CAMTA1: variants seen among roughly 807,000 people sequenced by gnomAD.
CAMTA1 encodes calmodulin binding transcription activator 1, also known as calmodulin-binding transcription activator 1.
Under a neutral mutation model 170.9 loss-of-function variants are expected in CAMTA1, and 27 were observed. The ratio of observed to expected loss-of-function variants is 0.16; its 90% CI spans 0.12 to 0.22. The LOEUF (loss-of-function observed/expected upper bound fraction) is 0.22, where lower values mean the gene tolerates loss of function less well. Among genes scored for constraint, CAMTA1 ranks in the 10% least tolerant of loss-of-function variants. CAMTA1 has a pLI of 1.00. For synonymous variants in CAMTA1, 833 were observed against 891.5 expected (o/e 0.93, Z 1.17); for missense variants, 1,619 against 2,217.2 (o/e 0.73, Z 5.42).
chr1:7,382,691 C>T (rs926375559), intron 5 of CAMTA1: 1 of 152,220 alleles, frequency 6.6e-6, no homozygotes, highest in Non-Finnish European at 1.5e-5. Flanking sequence ...AAATGCGGCG[C>T]TCTTTCATTT....
chr1:7,469,824 GC>G (rs2093295607), intron 6 of CAMTA1, among the ~76,000 whole-genome samples: 1 of 152,232 alleles, frequency 6.6e-6, no homozygotes, highest in South Asian at 2.1e-4. Context: ...TTCCCAAGCT[GC>G]ATTCTGCTCA....
intron 6 of CAMTA1, among the ~76,000 whole-genome samples, chr1:7,545,225 T>C (rs2094674632): frequency 6.6e-6 from 1 of 152,132 alleles, no homozygotes; most frequent in Admixed American, 6.5e-5. Flanking sequence ...AAGTTGGGAG[T>C]ACAATTCAAA....
chr1:7,413,960 G>A (rs936645209), intron 5 of CAMTA1, among the ~76,000 whole-genome samples: 1 of 152,174 alleles, frequency 6.6e-6, no homozygotes, highest in East Asian at 1.9e-4. Flanking sequence ...AGAGCTTTTA[G>A]CATGAAGGGT....
chr1:7,498,234 G>C (rs2093867831), intron 6 of CAMTA1, among the ~76,000 whole-genome samples: 2 of 150,292 alleles, frequency 1.3e-5, no homozygotes, highest in African/African-American at 4.9e-5. Context: ...GTATGAGAGT[G>C]AGTGTGGATG....
intron 4 of CAMTA1, among the ~76,000 whole-genome samples, chr1:7,108,590 C>T (rs1465645062): frequency 6.6e-6 from 1 of 152,128 alleles, no homozygotes; most frequent in African/African-American, 2.4e-5. Flanking sequence ...GGAGAAAACT[C>T]AAAGAGTCCA....
intron 5 of CAMTA1, among the ~76,000 whole-genome samples, chr1:7,291,511 G>A (rs774968089): frequency 4.6e-5 from 7 of 152,332 alleles, no homozygotes; most frequent in South Asian, 4.1e-4. Context: ...CTGTGTGCAC[G>A]CCCCTCATCA....
rs1190063380 is a variant in CAMTA1, at chr1:7,664,735, G to C, written c.2188G>C (p.Ala730Pro). 1 of 1,608,294 alleles carries C rather than the reference G, an allele frequency of 6.2e-7. No individual in the cohort carries two copies. The highest frequency in any genetic ancestry group is 8.5e-7 in the Non-Finnish European group (1 of 1,176,368). Residue 730 changes from alanine to proline, a missense_variant, in exon 9 of 23, where the codon GCC becomes CCC. By Grantham distance (27) the Ala-to-Pro change is conservative. Coordinates refer to ENST00000303635, the MANE Select transcript of CAMTA1 (RefSeq NM_015215.4). ...GGAGACCAACGGGGTAATCCGAAGC[G>C]CCGGCGGCGTCCCCATCCTCCCGGG... ...QPETNGVIRS[A>P]GGVPILPGNV...
intron 4 of CAMTA1, among the ~76,000 whole-genome samples, chr1:7,145,707 T>C (rs937460442): frequency 2.0e-5 from 3 of 152,140 alleles, no homozygotes; most frequent in South Asian, 2.1e-4. Context: ...TAGTAACCCA[T>C]GAGTCTGTGA....
At chr1:7,719,085 G>A (rs2096632793) in intron 11 of CAMTA1, among the ~76,000 whole-genome samples, 1 of 152,092 alleles carries the variant, frequency 6.6e-6, no homozygotes, top group African/African-American at 2.4e-5. Flanking sequence ...TTAAAGGTGG[G>A]TGCAGAATCT....
chr1:7,668,524 C>G (rs1202629511), intron 9 of CAMTA1, among the ~76,000 whole-genome samples: 1 of 152,076 alleles, frequency 6.6e-6, no homozygotes, highest in African/African-American at 2.4e-5. Context: ...TCAGAGACCT[C>G]AGATGGCATT....
At position 7,751,306 on chromosome 1, in the gene CAMTA1, C is replaced by T. The variant is rs758148116; in HGVS notation, c.4797C>T (p.Leu1599=). The change falls in exon 20 of 23, where the codon CTC becomes CTT. Residue 1599 remains leucine (L), a synonymous_variant. Transcript: ENST00000303635. ...KFQQSRRAAV[L]IQKYYRSYKK... ...AGCAGAGCCGACGGGCTGCTGTGCT[C>T]ATCCAAAAGTACTACCGAAGTTATA... The T allele has an allele frequency of 6.2e-7, 1 of 1,612,780 alleles. No homozygotes were observed. The highest frequency in any genetic ancestry group is 1.7e-5 in the Admixed American group (1 of 59,492).
intron 11 of CAMTA1, among the ~76,000 whole-genome samples, chr1:7,689,622 C>T (rs1244696472): frequency 1.3e-5 from 2 of 152,048 alleles, no homozygotes; most frequent in East Asian, 3.9e-4. Flanking sequence ...AGTTGATACA[C>T]CAAAAACAAA....
At chr1:7,367,108 C>T (rs897855746) in intron 5 of CAMTA1, among the ~76,000 whole-genome samples, 12 of 152,186 alleles carry the variant, frequency 7.9e-5, no homozygotes, top group Admixed American at 2.0e-4. Context: ...AGAGAGGTGA[C>T]CTCCATTATG....
At position 6,965,462 on chromosome 1, in the gene CAMTA1, G is replaced by C. The variant is rs538617584; in HGVS notation, c.235-125842G>C. Among the ~76,000 whole-genome samples the C allele has an allele frequency of 6.6e-6, 1 of 152,264 alleles. No individual in the cohort carries two copies. The highest frequency in any genetic ancestry group is 1.5e-5 in the Non-Finnish European group (1 of 68,014). ...AAGGTAATGCATTTCAGCTGCCTGT[G>C]GGGGAAGGTAAATGTGGTTTATTAG... On this transcript the variant is annotated intron_variant, in intron 3 of 22. Transcript: ENST00000303635. The surrounding 1 kb of genome is among the most constrained non-coding windows in gnomAD (Gnocchi z 4.1).
chr1:7,646,298 A>G (rs1476613289), intron 7 of CAMTA1, among the ~76,000 whole-genome samples: 3 of 135,694 alleles, frequency 2.2e-5, no homozygotes, highest in Non-Finnish European at 3.1e-5. Context: ...GGCCACGGTG[A>G]GTTGGGTGGA....
chr1:7,625,693 G>A (rs2095628701), intron 6 of CAMTA1, among the ~76,000 whole-genome samples: 3 of 152,374 alleles, frequency 2.0e-5, no homozygotes, highest in African/African-American at 7.2e-5. Flanking sequence ...TCCAGCCAGC[G>A]ACTTCAGGAT....
intron 4 of CAMTA1, among the ~76,000 whole-genome samples, chr1:7,244,137 A>G (rs1201270539): frequency 2.6e-5 from 4 of 152,226 alleles, no homozygotes; most frequent in Non-Finnish European, 5.9e-5. Flanking sequence ...AACACATGAA[A>G]AAATGCTCAT....
At chr1:7,417,289 A>G (rs1410479316) in intron 5 of CAMTA1, among the ~76,000 whole-genome samples, 1 of 152,056 alleles carries the variant, frequency 6.6e-6, no homozygotes, top group Non-Finnish European at 1.5e-5. Context: ...GAGAACCACT[A>G]CTCTCTTCAA....
intron 6 of CAMTA1, among the ~76,000 whole-genome samples, chr1:7,628,975 G>A (rs2095651084): frequency 6.6e-6 from 1 of 152,216 alleles, no homozygotes; most frequent in Admixed American, 6.5e-5. Context: ...GTCTCTGCTG[G>A]GCCAGGGCTG....
Sources: allele counts gnomAD v4.1 joint callset (sites outside exome capture counted in the v4.1 genomes callset), GRCh38; gene constraint gnomAD v4.1.1; non-coding constraint Gnocchi (gnomAD v3.1); transcripts MANE v1.5; gene names NCBI Gene and HGNC (gene_info 2026-07-23, HGNC 2026-07-21).